Variants in NBPF8 observed in about 807,000 individuals in gnomAD.
The protein encoded by NBPF8 is NBPF member 8, also known as NBPF family member NBPF8.
At chr1:120,430,258 GATA>G (rs1660839146) in intron 3 of NBPF8, among the ~76,000 whole-genome samples, 1 of 120,608 alleles carries the variant, frequency 8.3e-6, no homozygotes, top group South Asian at 2.5e-4. Context: ...TTTATTCACA[GATA>G]ATGACTGTGT....
rs1179552149 is a variant in NBPF8, at chr1:120,464,675, T to G, written n.3459+127T>G. Reference sequence around the variant, plus strand: ...GCCACAGGGAGGACCTATAGGCACATGTAGGTTGAATGAAACTCTAGTTCT... The same window carrying G: ...GCCACAGGGAGGACCTATAGGCACAGGTAGGTTGAATGAAACTCTAGTTCT... On this transcript the variant is annotated intron_variant and non_coding_transcript_variant, in intron 23 of 24. Transcript: ENST00000583271. 0.011 allele frequency: 6,644 copies of G among 599,490 alleles called. 378 individuals are homozygous for G. The African/African-American group carries it at 0.11, about 10-fold the overall frequency. 37.1% of individuals were successfully genotyped at this position (599,490 alleles called of 1,614,324 possible).
At chr1:120,415,797 G>T (rs1175841399), upstream of NBPF8, among the ~76,000 whole-genome samples, 2 of 152,158 alleles carry the variant, frequency 1.3e-5, no homozygotes, top group African/African-American at 2.4e-5. Flanking sequence ...AGCGGGGCAG[G>T]CCTCTAATTC....
At chr1:120,464,576 G>A in intron 23 of NBPF8, 28 bp downstream of exon 21, 1 of 775,936 alleles carries the variant, frequency 1.3e-6, no homozygotes, top group Non-Finnish European at 2.4e-6. Flanking sequence ...AAGGTGATAA[G>A]GATCCACTGA....
intron 15 of NBPF8, among the ~76,000 whole-genome samples, chr1:120,455,139 T>C (rs1661400692): frequency 6.6e-6 from 1 of 151,320 alleles, no homozygotes. Context: ...GGAGATTTTT[T>C]TGGGGAAAAA....
In NBPF8 at chr1:120,452,376, G is replaced by C. The variant is rs1440255441; in HGVS notation, n.2289+45G>C. The C allele has an allele frequency of 6.9e-6, 7 of 1,013,438 alleles. No individual in the cohort carries two copies. The Admixed American group carries it at 1.3e-4, about 19-fold the overall frequency. The allele number at this position is 1,013,438 out of a possible 1,614,324, so 62.8% of individuals were successfully genotyped here. A position where few individuals can be genotyped will look rare whatever the true frequency, so the allele number is the denominator to read the frequency against. ...TGATGACCCAAAATCCCAGGCTTAT[G>C]AGAGACTCCAGACCTCCATACTTTC... On this transcript the variant is annotated intron_variant and non_coding_transcript_variant, in intron 13 of 24. Coordinates refer to ENST00000583271, the Ensembl canonical transcript of NBPF8.
intron 3 of NBPF8, among the ~76,000 whole-genome samples, chr1:120,429,145 A>T (rs1485700856): frequency 4.7e-4 from 71 of 152,106 alleles, no homozygotes; most frequent in Admixed American, 8.5e-4. Flanking sequence ...GGGGCACCCG[A>T]TGGAGCCTGG....
At chr1:120,436,290 G>A (rs1661072332), upstream of NBPF8, 1 of 1,045,042 alleles carries the variant, frequency 9.6e-7, no homozygotes, top group East Asian at 2.5e-5. Context: ...CTGAGCTACT[G>A]GCAGTGCTTT....
chr1:120,428,575 T>G lies in NBPF8; in HGVS notation n.510+728T>G, dbSNP rs1487661759. Among the ~76,000 whole-genome samples the G allele has an allele frequency of 9.2e-5, 14 of 152,140 alleles. No homozygotes were observed. In the East Asian group the frequency reaches 2.7e-3, roughly 29 times the overall value. ...AATTCAGGCAGGTTTATTGAAAAGGTGAAGAAGCATCTTGCAGAAGCAAAG... is the reference window on the plus strand; with the variant it reads ...AATTCAGGCAGGTTTATTGAAAAGGGGAAGAAGCATCTTGCAGAAGCAAAG... On this transcript the variant is annotated intron_variant and non_coding_transcript_variant, in intron 3 of 28. Coordinates refer to the NBPF8 transcript ENST00000652355.
upstream of NBPF8, among the ~76,000 whole-genome samples, chr1:120,419,393 T>A (rs1660511675): frequency 6.6e-6 from 1 of 152,142 alleles, no homozygotes; most frequent in Admixed American, 6.5e-5. Flanking sequence ...CTTAATTCCC[T>A]AACAGAAAGA....
At chr1:120,462,114 A>C (rs1661607377) in intron 19 of NBPF8, 32 bp from the exon 18 acceptor site, 6 of 329,058 alleles carry the variant, frequency 1.8e-5, no homozygotes, top group African/African-American at 1.2e-4. Flanking sequence ...GAACCAGCTT[A>C]ATATGTCTGT....
chr1:120,453,274 C>T, intron 13 of NBPF8, 98 bp from the exon 12 acceptor site: 3 of 570,150 alleles, frequency 5.3e-6, no homozygotes, highest in Non-Finnish European at 9.4e-6. Flanking sequence ...GAACGGTGAC[C>T]CATGCCTAGA....
chr1:120,454,556 C>A (rs1463902603), intron 15 of NBPF8, among the ~76,000 whole-genome samples: 1 of 152,094 alleles, frequency 6.6e-6, no homozygotes, highest in African/African-American at 2.4e-5. Context: ...TTTAAGTCAG[C>A]TTGCTTAGCT....
At chr1:120,418,725 T>C (rs1172403852), upstream of NBPF8, among the ~76,000 whole-genome samples, 1 of 101,176 alleles carries the variant, frequency 9.9e-6, no homozygotes, top group Non-Finnish European at 1.9e-5. Context: ...TAATTTTCTA[T>C]TTTTTGTAGA....
At chr1:120,461,015 A>ACT (rs1661571718) in intron 18 of NBPF8, among the ~76,000 whole-genome samples, 2 of 58,098 alleles carry the variant, frequency 3.4e-5, no homozygotes, top group Non-Finnish European at 7.3e-5. Context: ...CTGAGCTCGA[A>ACT]CTGTGTGTGT....
upstream of NBPF8, among the ~76,000 whole-genome samples, chr1:120,434,365 G>T (rs1449617500): frequency 9.7e-5 from 14 of 144,580 alleles, no homozygotes; most frequent in East Asian, 2.0e-4. Flanking sequence ...TTATATATAC[G>T]TGTATACAGG....
At chr1:120,455,903 T>A (rs1420687133) in intron 16 of NBPF8, among the ~76,000 whole-genome samples, 1 of 152,208 alleles carries the variant, frequency 6.6e-6, no homozygotes, top group Non-Finnish European at 1.5e-5. Flanking sequence ...CTTGTGGGCA[T>A]TTAGTGCTAT....
intron 21 of NBPF8, 131 bp downstream of exon 19, chr1:120,463,097 G>T (rs1190329372): frequency 1.4e-6 from 1 of 697,980 alleles, no homozygotes; most frequent in East Asian, 2.7e-5. Context: ...GGCGCATATA[G>T]GTTGTAATGA....
chr1:120,425,196 G>C (rs1173769123), intron 1 of NBPF8, among the ~76,000 whole-genome samples: 3 of 151,978 alleles, frequency 2.0e-5, no homozygotes, highest in Non-Finnish European at 4.4e-5. Context: ...AGGAGGATTA[G>C]TAAAAGAGGA....
rs1413029060 is a variant in NBPF8, at chr1:120,465,866, A to T, written n.3569-112A>T. On this transcript the variant is annotated intron_variant and non_coding_transcript_variant, in intron 24 of 24. Transcript: ENST00000583271. ...CAATAATTTGTTACCTCATTAATGG[A>T]TCTGTCCTTTTTCTTTTCTAACCAC... The T allele has an allele frequency of 5.0e-6, 8 of 1,609,130 alleles. No homozygotes were observed. In the Admixed American group the frequency reaches 1.2e-4, roughly 24 times the overall value.
Sources: allele counts gnomAD v4.1 joint callset (sites outside exome capture counted in the v4.1 genomes callset), GRCh38; gene constraint gnomAD v4.1.1; transcripts MANE v1.5; gene names NCBI Gene and HGNC (gene_info 2026-07-23, HGNC 2026-07-21).